The following MYO18B variants were observed in gnomAD, a reference collection of about 807,000 sequenced individuals.
MYO18B encodes the protein myosin XVIIIB, also known as unconventional myosin-XVIIIb.
Under a neutral mutation model 273.0 loss-of-function variants are expected in MYO18B, and 204 were observed. The observed-to-expected ratio is 0.75, with a 90% CI of 0.67 to 0.84. The LOEUF (loss-of-function observed/expected upper bound fraction) is 0.84, where lower values mean the gene tolerates loss of function less well. Among genes scored for constraint, MYO18B ranks in the 40% least tolerant of loss-of-function variants. MYO18B has a pLI of 0.00. For missense variants in MYO18B, 3,212 were observed against 3,287.6 expected (o/e 0.98, Z 0.56); for synonymous variants, 1,330 against 1,305.7 (o/e 1.02, Z -0.40).
chr22:25,935,981 T>C (rs768863088), intron 34 of MYO18B, among the ~76,000 whole-genome samples: 2 of 152,214 alleles, frequency 1.3e-5, no homozygotes, highest in Non-Finnish European at 2.9e-5. Context: ...CGTGTCTGCC[T>C]CAGTCTCTCA....
chr22:25,775,521 C>T (rs376863229), intron 7 of MYO18B, among the ~76,000 whole-genome samples: 1 of 152,170 alleles, frequency 6.6e-6, no homozygotes, highest in East Asian at 1.9e-4. Context: ...CCTTTTGGTG[C>T]CCTCCTGCTG....
At chr22:25,930,263 A>G (rs574283744) in intron 34 of MYO18B, among the ~76,000 whole-genome samples, 2 of 152,214 alleles carry the variant, frequency 1.3e-5, no homozygotes, top group South Asian at 2.1e-4. Context: ...CTGAGTTAGT[A>G]CTTGTCACTC....
chr22:25,811,169 G>A (rs962449392), intron 12 of MYO18B, among the ~76,000 whole-genome samples: 6 of 150,174 alleles, frequency 4.0e-5, no homozygotes, highest in African/African-American at 1.5e-4. Flanking sequence ...GGCCGCCACT[G>A]TGCCCGGCTA....
chr22:26,029,800 C>T (rs1936561729), intron 43 of MYO18B, among the ~76,000 whole-genome samples: 1 of 152,148 alleles, frequency 6.6e-6, no homozygotes, highest in Non-Finnish European at 1.5e-5. Flanking sequence ...CCTGTGTCCT[C>T]AGTTGGAAAA....
chr22:25,975,615 G>A (rs766357674), intron 39 of MYO18B, among the ~76,000 whole-genome samples: 1 of 152,234 alleles, frequency 6.6e-6, no homozygotes, highest in African/African-American at 2.4e-5. Context: ...AGGCCAGATA[G>A]CTAGGAAAGA....
At chr22:25,779,937 G>A (rs1408662777) in intron 8 of MYO18B, 119 bp from the exon 9 acceptor site, 6 of 1,313,430 alleles carry the variant, frequency 4.6e-6, no homozygotes, top group Non-Finnish European at 6.1e-6. Flanking sequence ...CCCACCGGGG[G>A]CTGAGGCCAG....
chr22:25,924,723 C>T (rs965407859), intron 34 of MYO18B, among the ~76,000 whole-genome samples: 7 of 152,164 alleles, frequency 4.6e-5, no homozygotes, highest in Non-Finnish European at 8.8e-5. Context: ...ATCTGATTCA[C>T]GTTTTAGAGG....
chr22:25,781,809 C>A lies in MYO18B; in HGVS notation c.2287C>A (p.Leu763Met). 6.3e-7 allele frequency: 1 copy of A among 1,591,498 alleles called. No homozygotes were observed. The highest frequency in any genetic ancestry group is 1.8e-5 in the Admixed American group (1 of 56,250). ...TAACTTCCTGGTTTTCTCCCAGATG[C>A]TGGCTGGATTGGACTTGGATCTCAG... Reference protein sequence around the residue: ...ESNFLVFSQMLAGLDLDLRTE... With the variant: ...ESNFLVFSQMMAGLDLDLRTE... Residue 763 changes from leucine to methionine, a missense_variant, in exon 10 of 44, where the codon CTG becomes ATG. Physicochemically the swap from Leu to Met is conservative, Grantham distance 15 (BLOSUM62 2). Transcript: ENST00000335473.
chr22:25,989,378 C>G (rs1458864954), intron 39 of MYO18B, among the ~76,000 whole-genome samples: 1 of 152,110 alleles, frequency 6.6e-6, no homozygotes, highest in Non-Finnish European at 1.5e-5. Context: ...GGGATAGAAT[C>G]TAAGACAGAA....
intron 3 of MYO18B, among the ~76,000 whole-genome samples, chr22:25,767,749 A>G (rs1439667512): frequency 1.3e-5 from 2 of 152,212 alleles, no homozygotes; most frequent in Non-Finnish European, 2.9e-5. Flanking sequence ...ATTGTCACAC[A>G]TTCTCACACC....
chr22:25,926,616 A>T (rs1031333886), intron 34 of MYO18B, among the ~76,000 whole-genome samples: 2 of 152,104 alleles, frequency 1.3e-5, no homozygotes, highest in Admixed American at 6.5e-5. Flanking sequence ...TGTATAAAGG[A>T]CATGTAGGAG....
intron 39 of MYO18B, among the ~76,000 whole-genome samples, chr22:25,970,132 A>G (rs1053842317): frequency 6.6e-6 from 1 of 151,930 alleles, no homozygotes; most frequent in Non-Finnish European, 1.5e-5. Flanking sequence ...ATCAATCATC[A>G]TCTTGATCAC....
At chr22:25,810,334 G>A (rs1035056770) in intron 12 of MYO18B, among the ~76,000 whole-genome samples, 9 of 150,044 alleles carry the variant, frequency 6.0e-5, no homozygotes, top group Admixed American at 3.3e-4. Context: ...TCCTGACCTC[G>A]TGATCCGCCT....
At position 25,947,701 on chromosome 22, in the gene MYO18B, G is replaced by T; in HGVS notation, c.5632-11G>T. 1 of 1,610,208 alleles carries T rather than the reference G, an allele frequency of 6.2e-7. No individual in the cohort carries two copies. Among genetic ancestry groups the T allele is most frequent in the African/African-American group, 1.3e-5 (1 of 74,924 alleles). ...CTCACCTTGCCTTGACCACTGATCT[G>T]CCTCCCCCAGGTGGATGAGCAGCTG... On this transcript the variant is annotated splice_polypyrimidine_tract_variant and intron_variant, in intron 35 of 43. Coordinates refer to ENST00000335473, the MANE Select transcript of MYO18B (RefSeq NM_032608.7).
rs548223234 is a variant in MYO18B, at chr22:25,799,455, T to A, written c.2521+1358T>A. Among the ~76,000 whole-genome samples the A allele has an allele frequency of 9.2e-5, 14 of 152,194 alleles. 1 individual carries two copies. The highest frequency in any genetic ancestry group is 3.4e-4 in the African/African-American group (14 of 41,534). On this transcript the variant is annotated intron_variant, in intron 12 of 43. Coordinates refer to ENST00000335473, the MANE Select transcript of MYO18B (RefSeq NM_032608.7). ...CTGCCTTCATGGGGCCTTTGGTGCATTGTATTATGATTGTGACTTTGTCTA... is the reference window on the plus strand; with the variant it reads ...CTGCCTTCATGGGGCCTTTGGTGCAATGTATTATGATTGTGACTTTGTCTA...
At chr22:25,936,624 A>G (rs978944793) in intron 34 of MYO18B, among the ~76,000 whole-genome samples, 7 of 152,240 alleles carry the variant, frequency 4.6e-5, no homozygotes, top group Non-Finnish European at 5.9e-5. Context: ...TAATCAGCTC[A>G]GGCTGCCATA....
At chr22:25,781,484 C>A (rs1277117212) in intron 9 of MYO18B, among the ~76,000 whole-genome samples, 3 of 152,082 alleles carry the variant, frequency 2.0e-5, no homozygotes, top group Admixed American at 2.0e-4. Flanking sequence ...GTGGTGGGCG[C>A]CTGTGGTCCC....
At chr22:25,933,342 G>A (rs779648307) in intron 34 of MYO18B, among the ~76,000 whole-genome samples, 15 of 152,100 alleles carry the variant, frequency 9.9e-5, no homozygotes, top group Non-Finnish European at 1.8e-4. Context: ...CCTTACCCTG[G>A]CCCCACCCTC....
intron 39 of MYO18B, among the ~76,000 whole-genome samples, chr22:25,971,123 A>T (rs150889429): frequency 6.6e-6 from 1 of 152,358 alleles, no homozygotes; most frequent in African/African-American, 2.4e-5. Context: ...TCGCAGCACA[A>T]AAGCAGCCCT....
Sources: allele counts gnomAD v4.1 joint callset (sites outside exome capture counted in the v4.1 genomes callset), GRCh38; gene constraint gnomAD v4.1.1; transcripts MANE v1.5; gene names NCBI Gene and HGNC (gene_info 2026-07-23, HGNC 2026-07-21).